RASGEF1B: variants seen among roughly 807,000 people sequenced by gnomAD.
RASGEF1B encodes the protein ras-GEF domain-containing family member 1B.
A neutral mutation model predicts 65.7 loss-of-function variants in RASGEF1B; 30 were observed. The ratio of observed to expected loss-of-function variants is 0.46; its 90% CI spans 0.34 to 0.62. The LOEUF is 0.62. Among genes scored for constraint, RASGEF1B ranks in the 20% least tolerant of loss-of-function variants. The probability of loss-of-function intolerance (pLI) is 0.01; values close to 1 mark genes in which losing one functional copy is unlikely to be tolerated. For synonymous variants in RASGEF1B, 175 were observed against 194.8 expected (o/e 0.90, Z 0.85); for missense variants, 495 against 580.1 (o/e 0.85, Z 1.51).
At chr4:81,469,584 GTTA>G (rs1722954647) in intron 1 of RASGEF1B, among the ~76,000 whole-genome samples, 1 of 152,032 alleles carries the variant, frequency 6.6e-6, no homozygotes, top group Non-Finnish European at 1.5e-5. Context: ...AGAACTATGT[GTTA>G]TTATAATACT....
chr4:81,436,743 T>C (rs1439039711), intron 10 of RASGEF1B, among the ~76,000 whole-genome samples: 1 of 152,186 alleles, frequency 6.6e-6, no homozygotes, highest in Non-Finnish European at 1.5e-5. Context: ...AAACATACTT[T>C]TGGGCTCACA....
In RASGEF1B at chr4:81,471,894, TC is replaced by T. The variant is rs1723045937; in HGVS notation, c.-132del. 6.6e-6 allele frequency: 1 copy of T among 152,604 alleles called. No individual in the cohort carries two copies. Among genetic ancestry groups the T allele is most frequent in the Non-Finnish European group, 1.5e-5 (1 of 68,050 alleles). The allele number at this position is 152,604 out of a possible 1,614,324, so 9.5% of individuals were successfully genotyped here. ...ACAAAATCTGTCTAACCAGTCGGGT[TC>T]CTTGTTTATACTGAAACTACGGCAG... On this transcript the variant is annotated 5_prime_UTR_variant, in exon 1 of 14. Transcript: ENST00000264400.
At position 81,442,339 on chromosome 4, in the gene RASGEF1B, T is replaced by G. The variant is rs1721869369; in HGVS notation, c.966A>C (p.Lys322Asn). 1 of 1,613,516 alleles carries G rather than the reference T, an allele frequency of 6.2e-7. No homozygotes were observed. Among genetic ancestry groups the G allele is most frequent in the Non-Finnish European group, 8.5e-7 (1 of 1,179,504 alleles). ...TTGCAGTCTTCACTTTGGCCCAAGTTTTTTTTAGTCGAGAGACTGGGCTCA... is the reference window on the plus strand; with the variant it reads ...TTGCAGTCTTCACTTTGGCCCAAGTGTTTTTTAGTCGAGAGACTGGGCTCA... ...MNMSPVSRLK[K>N]TWAKVKTAKF... Residue 322 changes from lysine (K) to asparagine (N), a missense_variant, in exon 9 of 14, where the codon AAA (lysine) becomes AAC (asparagine). Lys to Asn is a moderately conservative substitution (Grantham distance 94, BLOSUM62 0). Transcript: ENST00000264400.
chr4:81,460,152 G>A (rs1320969617), intron 1 of RASGEF1B, among the ~76,000 whole-genome samples: 3 of 152,186 alleles, frequency 2.0e-5, no homozygotes, highest in Non-Finnish European at 4.4e-5. Flanking sequence ...GCTGTGGGGT[G>A]GTATCTGTAA....
At position 81,445,963 on chromosome 4, in the gene RASGEF1B, AAG is replaced by A. The variant is rs370361422; in HGVS notation, c.730-127_730-126del. 15 of 671,816 alleles carry A rather than the reference AAG, an allele frequency of 2.2e-5. No individual in the cohort carries two copies. In the Middle Eastern group the frequency reaches 1.6e-3, roughly 70 times the overall value. The allele number at this position is 671,816 out of a possible 1,614,324, so 41.6% of individuals were successfully genotyped here. On this transcript the variant is annotated intron_variant, in intron 6 of 13. Coordinates refer to ENST00000264400, the MANE Select transcript of RASGEF1B (RefSeq NM_152545.3). The stretch of plus-strand genomic sequence containing the variant: ...TAGGAAAGCTTTTGAGAACAACAGA[AAG>A]AGAGAGAGAAAGACAACCACTGGCA...
At chr4:81,435,228 G>A (rs1230956338) in intron 10 of RASGEF1B, among the ~76,000 whole-genome samples, 26 of 151,740 alleles carry the variant, frequency 1.7e-4, no homozygotes, top group Admixed American at 3.9e-4. Flanking sequence ...TGGCTAACAA[G>A]GTGAAACCCC....
intron 4 of RASGEF1B, chr4:81,453,382 C>A (rs574975079): frequency 6.6e-6 from 1 of 152,316 alleles, no homozygotes; most frequent in Admixed American, 6.5e-5. Flanking sequence ...ATCCGCACAT[C>A]CTCCTGTATA....
chr4:81,442,237 A>G (rs113226300), intron 9 of RASGEF1B, 60 bp downstream of exon 9: 5 of 1,108,504 alleles, frequency 4.5e-6, no homozygotes, highest in Middle Eastern at 2.0e-4. Flanking sequence ...GACCACATAA[A>G]GGAATTCCAC....
chr4:81,432,429 T>G (rs1721462825), intron 12 of RASGEF1B, 58 bp from the exon 13 acceptor site: 2 of 1,076,058 alleles, frequency 1.9e-6, no homozygotes, highest in Admixed American at 3.5e-5. Context: ...ATATATTATC[T>G]ACCACCACCC....
chr4:81,438,776 T>C (rs1308618850), intron 10 of RASGEF1B, among the ~76,000 whole-genome samples: 3 of 144,094 alleles, frequency 2.1e-5, no homozygotes. Flanking sequence ...CCTGTGTCCA[T>C]GTGTTCTCAT....
chr4:81,445,394 G>T (rs1578623355), intron 8 of RASGEF1B, 132 bp downstream of exon 8: 1 of 677,520 alleles, frequency 1.5e-6, no homozygotes, highest in Non-Finnish European at 2.6e-6. Context: ...AAGCATTTTG[G>T]GCATTCTCAA....
chr4:81,440,998 T>C, intron 9 of RASGEF1B, 69 bp from the exon 10 acceptor site: 2 of 1,068,254 alleles, frequency 1.9e-6, no homozygotes, highest in Non-Finnish European at 2.8e-6. Context: ...GTTTATAAGA[T>C]CACATATTTA....
At chr4:81,435,463 A>ATT (rs1200565994) in intron 10 of RASGEF1B, among the ~76,000 whole-genome samples, 1,413 of 78,374 alleles carry the variant, frequency 0.018, 66 homozygotes, top group African/African-American at 0.049. Context: ...GCAGGCACCG[A>ATT]TTTTTTTTTT....
chr4:81,448,044 A>T (rs779403603), intron 5 of RASGEF1B, 25 bp downstream of exon 5: 24 of 1,594,294 alleles, frequency 1.5e-5, no homozygotes, highest in Admixed American at 1.5e-4. Context: ...GTGGTTGTAA[A>T]GGGCAATGAT....
chr4:81,468,444 T>C (rs1578646078), intron 1 of RASGEF1B, among the ~76,000 whole-genome samples: 2 of 152,146 alleles, frequency 1.3e-5, no homozygotes, highest in South Asian at 4.1e-4. Flanking sequence ...CCTAATAAAG[T>C]TTGAATCAAC....
At chr4:81,465,505 A>C (rs903591626) in intron 1 of RASGEF1B, among the ~76,000 whole-genome samples, 49 of 152,240 alleles carry the variant, frequency 3.2e-4, no homozygotes, top group African/African-American at 1.2e-3. Context: ...ATTTGGTCAC[A>C]AAGATAGATC....
Position 81,445,620 on chromosome 4 carries a change from C to T in RASGEF1B, c.834G>A (p.Lys278=). 3 of 1,613,452 alleles carry T rather than the reference C, an allele frequency of 1.9e-6. No homozygotes were observed. The highest frequency in any genetic ancestry group is 2.5e-6 in the Non-Finnish European group (3 of 1,179,430). ...LVATEICMPV[K]KKHRARMIEY... ...CAATCATTCTTGCTCGGTGTTTTTT[C>T]TTAACAGGCTACACAGTAAAAGACA... Residue 278 remains lysine, a synonymous_variant, in exon 8 of 14, where the codon AAG becomes AAA. Transcript: ENST00000264400.
intron 9 of RASGEF1B, among the ~76,000 whole-genome samples, chr4:81,441,526 T>C (rs1721836315): frequency 6.6e-6 from 1 of 151,210 alleles, no homozygotes; most frequent in Non-Finnish European, 1.5e-5. Context: ...CAAATACACA[T>C]ACTCTTGCAC....
At position 81,432,308 on chromosome 4, in the gene RASGEF1B, T is replaced by G; in HGVS notation, c.1388A>C (p.Lys463Thr). The G allele has an allele frequency of 6.2e-7, 1 of 1,604,212 alleles. No individual in the cohort carries two copies. The highest frequency in any genetic ancestry group is 8.5e-7 in the Non-Finnish European group (1 of 1,171,488). ...GAAGAATGAGACCCACCTTAAAGAC[T>G]TCCATCTGTCTTTCTCTATATGATT... The part of the protein sequence containing the change: ...PENHIEKDRW[K>T]SLRSSLLGRV The change falls in exon 13 of 14, where the codon AAG becomes ACG. Residue 463 changes from lysine (K) to threonine (T), a missense_variant. By Grantham distance (78) the Lys-to-Thr change is moderately conservative (BLOSUM62 -1). Coordinates refer to ENST00000264400, the MANE Select transcript of RASGEF1B (RefSeq NM_152545.3).
Sources: allele counts gnomAD v4.1 joint callset (sites outside exome capture counted in the v4.1 genomes callset), GRCh38; gene constraint gnomAD v4.1.1; transcripts MANE v1.5; gene names NCBI Gene and HGNC (gene_info 2026-07-23, HGNC 2026-07-21).